Variants in NAV2 observed in about 807,000 individuals in gnomAD.
NAV2 encodes helicase, APC down-regulated 1.
In NAV2, 54 loss-of-function variants were observed where a neutral mutation model predicts 223.2. The ratio of observed to expected loss-of-function variants is 0.24; its 90% CI spans 0.19 to 0.30. The LOEUF (loss-of-function observed/expected upper bound fraction) is 0.30, where lower values mean the gene tolerates loss of function less well. Ranked by LOEUF, NAV2 falls within the 10% of genes least tolerant of loss-of-function variation. NAV2 has a pLI of 1.00. For missense variants in NAV2, 2,806 were observed against 3,147.5 expected (o/e 0.89, Z 2.60); for synonymous variants, 1,279 against 1,239.3 (o/e 1.03, Z -0.67).
At chr11:19,985,388 C>T (rs2050689826) in intron 11 of NAV2, among the ~76,000 whole-genome samples, 1 of 152,132 alleles carries the variant, frequency 6.6e-6, no homozygotes, top group African/African-American at 2.4e-5. Flanking sequence ...TGAATGTGTC[C>T]TCCTTAGAGT....
chr11:19,920,944 C>T (rs539023965), intron 6 of NAV2, among the ~76,000 whole-genome samples: 2 of 152,308 alleles, frequency 1.3e-5, no homozygotes, highest in South Asian at 4.1e-4. Context: ...TTGTCACAGC[C>T]AGACCTATTA....
intron 1 of NAV2, among the ~76,000 whole-genome samples, chr11:19,424,614 T>C (rs1447668197): frequency 1.3e-5 from 2 of 152,164 alleles, no homozygotes; most frequent in East Asian, 3.9e-4. Flanking sequence ...AGTGGCGCAA[T>C]CTCAGCTCAC....
intron 22 of NAV2, among the ~76,000 whole-genome samples, chr11:20,075,304 A>C (rs1212350205): frequency 6.6e-6 from 1 of 151,748 alleles, no homozygotes; most frequent in African/African-American, 2.4e-5. Flanking sequence ...GCTCACTGCA[A>C]GCTCCGCCTC....
At chr11:19,509,244 C>T (rs547452120) in intron 1 of NAV2, among the ~76,000 whole-genome samples, 10 of 152,112 alleles carry the variant, frequency 6.6e-5, no homozygotes, top group Non-Finnish European at 1.2e-4. Flanking sequence ...TTGGAGGTTT[C>T]GTCCCCTATT....
Position 19,459,868 on chromosome 11 carries a change from GTGTCT to G in NAV2, c.75+108843_75+108847del, listed in dbSNP as rs1852092809. 2.0e-5 allele frequency among the ~76,000 whole-genome samples: 3 copies of G among 152,218 alleles called. No homozygotes were observed. The South Asian group carries it at 6.2e-4, about 32-fold the overall frequency. On this transcript the variant is annotated intron_variant, in intron 1 of 37. Coordinates refer to the NAV2 transcript ENST00000360655. ...GCAAGAAAATGCTATAGCCTGAGTTGTGTCTTAGGATGATTAATACTGCAGGAGCA... is the reference window on the plus strand; with the variant it reads ...GCAAGAAAATGCTATAGCCTGAGTTGTAGGATGATTAATACTGCAGGAGCA...
chr11:19,854,232 T>A (rs1221350878), intron 3 of NAV2, among the ~76,000 whole-genome samples: 1 of 152,176 alleles, frequency 6.6e-6, no homozygotes, highest in East Asian at 1.9e-4. Context: ...GTTGTTTTTT[T>A]AAAAATTTGC....
intron 6 of NAV2, among the ~76,000 whole-genome samples, chr11:19,925,423 A>G (rs775258929): frequency 5.9e-5 from 9 of 152,108 alleles, no homozygotes; most frequent in Non-Finnish European, 1.3e-4. Context: ...TAGATCTTAG[A>G]TCCATTTTGA....
chr11:19,777,486 G>T, intron 1 of NAV2: 2 of 454,662 alleles, frequency 4.4e-6, no homozygotes, highest in Non-Finnish European at 8.8e-6. Flanking sequence ...ATGCTGTGGC[G>T]CTGGGAACAG....
At chr11:20,064,582 T>A (rs2058918375) in intron 20 of NAV2, among the ~76,000 whole-genome samples, 1 of 152,052 alleles carries the variant, frequency 6.6e-6, no homozygotes, top group Non-Finnish European at 1.5e-5. Flanking sequence ...TCTTCAGATC[T>A]AGGAAACTGT....
intron 1 of NAV2, among the ~76,000 whole-genome samples, chr11:19,565,381 A>T (rs2045236399): frequency 6.6e-6 from 1 of 152,156 alleles, no homozygotes; most frequent in East Asian, 1.9e-4. Flanking sequence ...TCTCCAATTA[A>T]AGGTCCCCTC....
At chr11:19,843,287 C>T (rs1032633869) in intron 3 of NAV2, among the ~76,000 whole-genome samples, 2 of 152,236 alleles carry the variant, frequency 1.3e-5, no homozygotes, top group Admixed American at 6.5e-5. Flanking sequence ...AGCTGAGGCA[C>T]GGATGAAGTG....
intron 22 of NAV2, 93 bp from the exon 23 acceptor site, chr11:20,077,459 G>C (rs80132255): frequency 0.018 from 16,766 of 928,290 alleles, 183 homozygotes; most frequent in Admixed American, 0.022. Context: ...TAGATCAATG[G>C]ACCCACAGGA....
At chr11:19,356,967 G>A (rs1853656450) in intron 1 of NAV2, among the ~76,000 whole-genome samples, 1 of 152,208 alleles carries the variant, frequency 6.6e-6, no homozygotes, top group Non-Finnish European at 1.5e-5. Context: ...CTCATAGGTG[G>A]CCATTCTCCA....
At chr11:19,664,230 T>C (rs1419161080) in intron 1 of NAV2, among the ~76,000 whole-genome samples, 9 of 152,328 alleles carry the variant, frequency 5.9e-5, no homozygotes, top group African/African-American at 2.2e-4. Context: ...CCCTCTTTTT[T>C]AGTTTACGCT....
intron 1 of NAV2, among the ~76,000 whole-genome samples, chr11:19,465,424 T>C (rs1440911743): frequency 6.6e-6 from 1 of 152,160 alleles, no homozygotes; most frequent in African/African-American, 2.4e-5. Flanking sequence ...TAAATAACCA[T>C]TATCATCCCA....
intron 1 of NAV2, among the ~76,000 whole-genome samples, chr11:19,533,076 G>A (rs554953287): frequency 1.3e-5 from 2 of 152,286 alleles, no homozygotes; most frequent in East Asian, 3.9e-4. Context: ...TGGAAGAAGG[G>A]GAAAAGTGGG....
At chr11:19,962,840 C>T (rs560433100) in intron 10 of NAV2, among the ~76,000 whole-genome samples, 34 of 152,336 alleles carry the variant, frequency 2.2e-4, no homozygotes, top group Non-Finnish European at 4.1e-4. Flanking sequence ...AGCCCACATT[C>T]ACTTCTTGAT....
At chr11:19,761,060 A>G (rs1383364001) in intron 1 of NAV2, among the ~76,000 whole-genome samples, 1 of 152,158 alleles carries the variant, frequency 6.6e-6, no homozygotes, top group African/African-American at 2.4e-5. Context: ...GTTGAGATGG[A>G]GGCCAGAATG....
chr11:19,592,009 A>T (rs1014627050), intron 1 of NAV2, among the ~76,000 whole-genome samples: 10 of 151,918 alleles, frequency 6.6e-5, no homozygotes, highest in Non-Finnish European at 1.5e-4. Flanking sequence ...CCTGACCCCT[A>T]TCACACTTAT....
Sources: allele counts gnomAD v4.1 joint callset (sites outside exome capture counted in the v4.1 genomes callset), GRCh38; gene constraint gnomAD v4.1.1; transcripts MANE v1.5; gene names NCBI Gene and HGNC (gene_info 2026-07-23, HGNC 2026-07-21).